Variants in PCNX1 observed in about 807,000 individuals in gnomAD.
PCNX1 encodes pecanex-like protein 1.
In PCNX1, 78 loss-of-function variants were observed where a neutral mutation model predicts 242.2. The observed-to-expected ratio is 0.32, with a 90% CI of 0.27 to 0.39. The LOEUF is 0.39. PCNX1 is among the 10% of genes least tolerant of loss of function. The pLI, the probability that PCNX1 is intolerant of heterozygous loss-of-function variation, is 1.00. For synonymous variants in PCNX1, 1,024 were observed against 1,032.9 expected, an observed-to-expected ratio of 0.99 and a Z score of 0.17; for missense variants, 2,581 against 2,856.5, an observed-to-expected ratio of 0.90 and a Z score of 2.20.
chr14:70,962,515 G>T (rs2058253055), intron 3 of PCNX1, among the ~76,000 whole-genome samples, 184 bp downstream of exon 3: 1 of 152,092 alleles, frequency 6.6e-6, no homozygotes, highest in Admixed American at 6.6e-5. Context: ...ATTAATTACA[G>T]ATTTGTTGAG....
chr14:71,021,892 T>C (rs1278879676), intron 12 of PCNX1, among the ~76,000 whole-genome samples: 1 of 152,186 alleles, frequency 6.6e-6, no homozygotes, highest in African/African-American at 2.4e-5. Flanking sequence ...TGTGGTTATC[T>C]TCTCGGTTTA....
At chr14:70,956,794 T>C (rs1308254366) in intron 2 of PCNX1, among the ~76,000 whole-genome samples, 26 of 152,176 alleles carry the variant, frequency 1.7e-4, no homozygotes, top group Non-Finnish European at 2.9e-5. Flanking sequence ...TCAGTTTATG[T>C]TTCATTCCTC....
intron 2 of PCNX1, among the ~76,000 whole-genome samples, chr14:70,961,869 C>T (rs947738786): frequency 6.6e-6 from 1 of 151,994 alleles, no homozygotes; most frequent in African/African-American, 2.4e-5. Flanking sequence ...TCTCTTTGCT[C>T]TAGGGAAGCA....
In PCNX1 at chr14:71,033,546, A is replaced by T; in HGVS notation, c.3668+8A>T. On this transcript the variant is annotated splice_region_variant and intron_variant, in intron 17 of 35. Transcript: ENST00000304743. ...TGATCCATCTGTACTTTTGTAAGTG[A>T]ACTCAATTGTTATTGAATTAAAAGA... 7.3e-7 allele frequency: 1 copy of T among 1,371,640 alleles called. No individual in the cohort carries two copies. The highest frequency in any genetic ancestry group is 1.2e-5 in the South Asian group (1 of 82,740). The allele number at this position is 1,371,640 out of a possible 1,614,324, so 85.0% of individuals were successfully genotyped here. A position where few individuals can be genotyped will look rare whatever the true frequency, so the allele number is the denominator to read the frequency against.
intron 3 of PCNX1, among the ~76,000 whole-genome samples, chr14:70,967,147 G>C (rs934843186): frequency 6.6e-6 from 1 of 152,170 alleles, no homozygotes; most frequent in Non-Finnish European, 1.5e-5. Context: ...TCAGTGTACA[G>C]CTAAGTGAAT....
At chr14:70,953,885 C>G (rs935108941) in intron 2 of PCNX1, among the ~76,000 whole-genome samples, 1 of 151,988 alleles carries the variant, frequency 6.6e-6, no homozygotes, top group Admixed American at 6.6e-5. Flanking sequence ...CCAGGCTGGT[C>G]TCAAACTCCT....
intron 7 of PCNX1, among the ~76,000 whole-genome samples, chr14:70,994,194 C>CTA (rs2059256911): frequency 6.6e-6 from 1 of 151,744 alleles, no homozygotes; most frequent in Non-Finnish European, 1.5e-5. Flanking sequence ...CTGCCCTGTT[C>CTA]TATATGGTAG....
intron 8 of PCNX1, among the ~76,000 whole-genome samples, chr14:71,003,490 G>A (rs1250588710): frequency 6.6e-6 from 1 of 152,082 alleles, no homozygotes; most frequent in Non-Finnish European, 1.5e-5. Context: ...CTCCCATTCT[G>A]TGGCTTGTCT....
chr14:70,933,393 C>T (rs1315039657), intron 1 of PCNX1, among the ~76,000 whole-genome samples: 6 of 151,898 alleles, frequency 4.0e-5, no homozygotes, highest in African/African-American at 1.5e-4. Context: ...TTTGTATGCC[C>T]CATGAGCTAA....
chr14:71,007,055 T>A (rs181704235), intron 8 of PCNX1, among the ~76,000 whole-genome samples: 1 of 152,202 alleles, frequency 6.6e-6, no homozygotes, highest in Admixed American at 6.5e-5. Context: ...TCATAGCCTC[T>A]CTTTTAGACA....
intron 19 of PCNX1, among the ~76,000 whole-genome samples, chr14:71,041,809 T>A (rs1447100565): frequency 7.4e-6 from 1 of 135,682 alleles, no homozygotes; most frequent in African/African-American, 2.9e-5. Flanking sequence ...TATACTATAC[T>A]ATACTATACT....
chr14:70,927,996 T>G (rs938804431), intron 1 of PCNX1, among the ~76,000 whole-genome samples: 9 of 152,184 alleles, frequency 5.9e-5, no homozygotes, highest in Non-Finnish European at 2.9e-5. Context: ...TTTGTATATA[T>G]TAATATTTCA....
rs182464923 is a variant in PCNX1 at position 71,080,360 on chromosome 14, T to C, written c.5337+3941T>C. Reference sequence around the variant, plus strand: ...AGGATTGTCTTGGCTATGCGGGCTCTTTTTTGATTCTATAGGAAATTTAAA... The same window carrying C: ...AGGATTGTCTTGGCTATGCGGGCTCCTTTTTGATTCTATAGGAAATTTAAA... On this transcript the variant is annotated intron_variant, in intron 28 of 35. Coordinates refer to ENST00000304743, the MANE Select transcript of PCNX1 (RefSeq NM_014982.3). 2.0e-5 allele frequency among the ~76,000 whole-genome samples: 3 copies of C among 152,356 alleles called. No individual in the cohort carries two copies. In the East Asian group the frequency reaches 5.8e-4, roughly 29 times the overall value.
At position 70,978,373 on chromosome 14, in the gene PCNX1, C is replaced by G. The variant is rs1354219192; in HGVS notation, c.2036C>G (p.Ser679Cys). 4 of 1,614,250 alleles carry G rather than the reference C, an allele frequency of 2.5e-6. No homozygotes were observed. Among genetic ancestry groups the G allele is most frequent in the Admixed American group, 3.3e-5 (2 of 60,028 alleles). The change falls in exon 6 of 36, where the codon TCT becomes TGT. Residue 679 changes from serine to cysteine, a missense_variant. By Grantham distance (112) the Ser-to-Cys change is moderately radical (BLOSUM62 -1). This residue lies in a region of PCNX1 where 1,204 missense variants were observed against 1,216.7 expected (regional missense o/e 0.99). Coordinates refer to ENST00000304743, the MANE Select transcript of PCNX1 (RefSeq NM_014982.3). Reference sequence around the variant, plus strand: ...AAAAAGCGTGCAACACGACGGACTTCTAGCACAAATAGTGCCAAGACTCGT... The same window carrying G: ...AAAAAGCGTGCAACACGACGGACTTGTAGCACAAATAGTGCCAAGACTCGT... ...TSKKRATRRT[S>C]STNSAKTRAR...
intron 28 of PCNX1, among the ~76,000 whole-genome samples, chr14:71,077,445 C>T (rs1266962955): frequency 6.6e-6 from 1 of 152,158 alleles, no homozygotes; most frequent in Non-Finnish European, 1.5e-5. Context: ...AGGTGCATAC[C>T]GACCATCTTC....
At chr14:71,048,170 A>G (rs535417761) in intron 22 of PCNX1, among the ~76,000 whole-genome samples, 186 bp downstream of exon 22, 2 of 152,340 alleles carry the variant, frequency 1.3e-5, no homozygotes, top group East Asian at 3.9e-4. Context: ...TATAAAAGAT[A>G]TATTTCTTGC....
intron 1 of PCNX1, among the ~76,000 whole-genome samples, chr14:70,943,778 C>T (rs953020451): frequency 8.9e-4 from 8 of 8,960 alleles, no homozygotes; most frequent in Non-Finnish European, 6.0e-4. Context: ...AAAATGGTTT[C>T]TTGGGCGAGG....
intron 1 of PCNX1, among the ~76,000 whole-genome samples, chr14:70,917,324 A>G (rs2056189704): frequency 1.3e-5 from 2 of 152,222 alleles, no homozygotes; most frequent in Non-Finnish European, 2.9e-5. Flanking sequence ...TACTTCATCC[A>G]GATCCATCAG....
Position 71,109,653 on chromosome 14 carries a change from G to T in PCNX1, c.6885+61G>T. 3 of 1,598,060 alleles carry T rather than the reference G, an allele frequency of 1.9e-6. No homozygotes were observed. The Admixed American group carries it at 5.1e-5, about 27-fold the overall frequency. ...GCCTTTTTTGAAGTCCGCCTCACTT[G>T]GATGCATGGTTTTAGCTGATTTATA... On this transcript the variant is annotated intron_variant, in intron 35 of 35. Coordinates refer to ENST00000304743, the MANE Select transcript of PCNX1 (RefSeq NM_014982.3).
Sources: allele counts gnomAD v4.1 joint callset (sites outside exome capture counted in the v4.1 genomes callset), GRCh38; gene constraint gnomAD v4.1.1; regional missense constraint gnomAD v4.1.1; transcripts MANE v1.5; gene names NCBI Gene and HGNC (gene_info 2026-07-23, HGNC 2026-07-21).